EMID1: variants seen among roughly 807,000 people sequenced by gnomAD.
EMID1 encodes the protein EMI domain-containing protein 1.
EMID1 carries 40 observed loss-of-function variants against 60.6 expected under a neutral mutation model. That is an observed-to-expected ratio of 0.66 (90% CI 0.51 to 0.86). The LOEUF (loss-of-function observed/expected upper bound fraction) is 0.86. Ranked by LOEUF, EMID1 falls within the 40% of genes least tolerant of loss-of-function variation. The probability of loss-of-function intolerance (pLI) is 0.00; values close to 1 mark genes in which losing one functional copy is unlikely to be tolerated. For synonymous variants in EMID1, 242 were observed against 231.0 expected (o/e 1.05, Z -0.43); for missense variants, 585 against 597.1 (o/e 0.98, Z 0.21).
intron 12 of EMID1, among the ~76,000 whole-genome samples, chr22:29,238,778 G>T (rs6006068): frequency 0.15 from 20,640 of 134,668 alleles, 3,557 homozygotes; most frequent in East Asian, 0.26. Flanking sequence ...GCCCAGGCTG[G>T]TCTTTCTGAC....
intron 3 of EMID1, among the ~76,000 whole-genome samples, chr22:29,217,215 A>G (rs773628756): frequency 7.9e-5 from 12 of 152,300 alleles, no homozygotes; most frequent in Non-Finnish European, 8.8e-5. Context: ...TTGGTGAGGG[A>G]GAGGACAGGT....
At position 29,218,983 on chromosome 22, in the gene EMID1, A is replaced by G. The variant is rs573358142; in HGVS notation, c.319+3353A>G. Among the ~76,000 whole-genome samples the G allele has an allele frequency of 2.6e-5, 4 of 152,262 alleles. No homozygotes were observed. In the East Asian group the frequency reaches 7.7e-4, roughly 29 times the overall value. On this transcript the variant is annotated intron_variant, in intron 3 of 14. Transcript: ENST00000334018. ...CCCAGATCCTCCTGCAATAATCAGG[A>G]CAAGGAGAAAGAAAGCTGCCACCGT...
In EMID1 at chr22:29,259,195, G is replaced by T. The variant is rs1448157667; in HGVS notation, c.*251G>T. On this transcript the variant is annotated 3_prime_UTR_variant, in exon 15 of 15. Transcript: ENST00000334018. ...TGGGGGGAGGCAGGCCTTCAAGGAG[G>T]GATAGAGGTACAAGGCTTCGTCTCA... The T allele has an allele frequency of 1.8e-6, 1 of 552,992 alleles. No homozygotes were observed. Among genetic ancestry groups the T allele is most frequent in the African/African-American group, 2.0e-5 (1 of 50,590 alleles). The allele number at this position is 552,992 out of a possible 1,614,324, so 34.3% of individuals were successfully genotyped here.
At chr22:29,244,651 AG>A (rs1163852120) in intron 13 of EMID1, among the ~76,000 whole-genome samples, 13,973 of 143,120 alleles carry the variant, frequency 0.098, 953 homozygotes, top group East Asian at 0.16. Context: ...AAAAAAAAAA[AG>A]AAAAGAAAAG....
chr22:29,243,364 T>C, intron 12 of EMID1, 81 bp from the exon 13 acceptor site: 4 of 1,418,962 alleles, frequency 2.8e-6, no homozygotes, highest in Non-Finnish European at 2.0e-6. Context: ...CTTTCCCCGC[T>C]CTTTTTCCTC....
chr22:29,258,196 T>C (rs544842119), intron 14 of EMID1, among the ~76,000 whole-genome samples: 75 of 152,226 alleles, frequency 4.9e-4, no homozygotes, highest in South Asian at 1.5e-3. Flanking sequence ...TCATTTTACT[T>C]TGGGAAGGGC....
intron 4 of EMID1, among the ~76,000 whole-genome samples, chr22:29,225,803 G>A (rs2040485751): frequency 6.6e-6 from 1 of 152,220 alleles, no homozygotes; most frequent in Non-Finnish European, 1.5e-5. Context: ...AGAGACTGCT[G>A]GCATAGCACT....
chr22:29,226,748 G>C (rs767687129), intron 5 of EMID1, among the ~76,000 whole-genome samples, 197 bp downstream of exon 5: 21 of 152,188 alleles, frequency 1.4e-4, no homozygotes, highest in South Asian at 1.0e-3. Flanking sequence ...TCCCTCCCTA[G>C]GAAGCCTGCT....
chr22:29,218,429 T>C (rs1014247517), intron 3 of EMID1, among the ~76,000 whole-genome samples: 33 of 152,278 alleles, frequency 2.2e-4, no homozygotes, highest in African/African-American at 7.7e-4. Context: ...GGGCTGCATT[T>C]TACAGATGGA....
chr22:29,243,680 G>A (rs1264551662), intron 13 of EMID1, among the ~76,000 whole-genome samples, 191 bp downstream of exon 13: 1 of 152,196 alleles, frequency 6.6e-6, no homozygotes, highest in Non-Finnish European at 1.5e-5. Flanking sequence ...CTCCCAACCG[G>A]GCAGGGCCAG....
intron 3 of EMID1, among the ~76,000 whole-genome samples, chr22:29,218,432 C>T (rs2040166070): frequency 1.3e-5 from 2 of 152,198 alleles, no homozygotes; most frequent in Admixed American, 1.3e-4. Flanking sequence ...CTGCATTTTA[C>T]AGATGGAGAA....
At chr22:29,255,212 C>A in intron 14 of EMID1, 1 of 1,044,168 alleles carries the variant, frequency 9.6e-7, no homozygotes, top group Non-Finnish European at 1.3e-6. Context: ...CGCTTGGCTC[C>A]CCAGCCCAGC....
At chr22:29,224,004 C>T (rs989446248) in intron 3 of EMID1, among the ~76,000 whole-genome samples, 7 of 152,232 alleles carry the variant, frequency 4.6e-5, no homozygotes, top group African/African-American at 1.2e-4. Context: ...AGTGCCGGCC[C>T]CAGTCCTGGG....
chr22:29,240,179 T>C (rs1362224111), intron 12 of EMID1, among the ~76,000 whole-genome samples: 2 of 152,150 alleles, frequency 1.3e-5, no homozygotes, highest in Non-Finnish European at 2.9e-5. Context: ...TCTCAGTTGT[T>C]GTTTTGTTTT....
intron 13 of EMID1, among the ~76,000 whole-genome samples, chr22:29,252,308 T>C (rs2041557174): frequency 6.6e-6 from 1 of 152,224 alleles, no homozygotes; most frequent in Non-Finnish European, 1.5e-5. Context: ...GATGGACATA[T>C]TGAGAGACCT....
At chr22:29,244,509 C>T (rs964002075) in intron 13 of EMID1, among the ~76,000 whole-genome samples, 13 of 151,896 alleles carry the variant, frequency 8.6e-5, no homozygotes, top group Admixed American at 2.0e-4. Context: ...CATGGTGGTA[C>T]GCACCTGTAG....
intron 3 of EMID1, among the ~76,000 whole-genome samples, chr22:29,222,551 G>A (rs1235064440): frequency 2.6e-5 from 4 of 151,806 alleles, no homozygotes; most frequent in South Asian, 2.1e-4. Flanking sequence ...TTACAGGCAC[G>A]CATCGCCACC....
Position 29,231,654 on chromosome 22 carries a change from G to A in EMID1, c.648G>A (p.Arg216=). Residue 216 remains arginine, a synonymous_variant, in exon 7 of 15, where the codon CGG becomes CGA. Coordinates refer to ENST00000334018, the MANE Select transcript of EMID1 (RefSeq NM_133455.4). ...PTGPKGDAGS[R]GPMGMRGPPG... is the part of the protein sequence containing the mutation. Reference sequence around the variant, plus strand: ...GCCCCAAGGGAGATGCCGGCAGTCGGGGCCCAATGGGGATGAGAGGCCCAC... The same window carrying A: ...GCCCCAAGGGAGATGCCGGCAGTCGAGGCCCAATGGGGATGAGAGGCCCAC... 3 of 1,477,904 alleles carry A rather than the reference G, an allele frequency of 2.0e-6. No homozygotes were observed. The highest frequency in any genetic ancestry group is 1.8e-6 in the Non-Finnish European group (2 of 1,109,752). 91.5% of individuals were successfully genotyped at this position (1,477,904 alleles called of 1,614,324 possible).
chr22:29,212,249 C>T (rs563738672), intron 1 of EMID1, among the ~76,000 whole-genome samples: 6 of 151,782 alleles, frequency 4.0e-5, no homozygotes, highest in African/African-American at 9.7e-5. Flanking sequence ...GGCCTGCCAA[C>T]GTGCTGGGAT....
Sources: allele counts gnomAD v4.1 joint callset (sites outside exome capture counted in the v4.1 genomes callset), GRCh38; gene constraint gnomAD v4.1.1; transcripts MANE v1.5; gene names NCBI Gene and HGNC (gene_info 2026-07-23, HGNC 2026-07-21).